The following CNTLN variants were observed in gnomAD, a reference collection of about 807,000 sequenced individuals.
CNTLN encodes centlein.
A neutral mutation model predicts 180.0 loss-of-function variants in CNTLN; 212 were observed. The ratio of observed to expected loss-of-function variants is 1.18; its 90% CI spans 1.05 to 1.32. The LOEUF is 1.32. Among genes scored for constraint, CNTLN ranks in the 40% most tolerant of loss-of-function variants. The pLI is 0.00. For synonymous variants in CNTLN, 722 were observed against 563.1 expected, an observed-to-expected ratio of 1.28 and a Z score of -3.99; for missense variants, 2,095 against 1,610.9, an observed-to-expected ratio of 1.30 and a Z score of -5.14.
At chr9:17,295,020 C>G (rs935974770) in intron 6 of CNTLN, among the ~76,000 whole-genome samples, 1 of 151,864 alleles carries the variant, frequency 6.6e-6, no homozygotes, top group East Asian at 2.0e-4. Flanking sequence ...GAGAGCAGCG[C>G]CGGTGGGCCA....
At chr9:17,259,406 T>A (rs1388831336) in intron 5 of CNTLN, among the ~76,000 whole-genome samples, 4 of 135,054 alleles carry the variant, frequency 3.0e-5, no homozygotes, top group Non-Finnish European at 6.3e-5. Flanking sequence ...TTTGCATCAA[T>A]GTTCATCCGG....
At position 17,419,237 on chromosome 9, in the gene CNTLN, C is replaced by T. The variant is rs1828508410; in HGVS notation, c.3114+3048C>T. On this transcript the variant is annotated intron_variant, in intron 18 of 25. Transcript: ENST00000380647. ...GTAAATGGCAAAGATTTGTGATTCC[C>T]AAAAGCAGGTACTGTAAATATCATT... Among the ~76,000 whole-genome samples the T allele has an allele frequency of 5.3e-5, 8 of 151,990 alleles. 1 individual carries two copies. In the South Asian group the frequency reaches 1.7e-3, roughly 31 times the overall value.
At position 17,213,113 on chromosome 9, in the gene CNTLN, G is replaced by T. The variant is rs1454021459; in HGVS notation, c.450-13090G>T. ...CTTCTGCTAGCTTTTGAATGTGTTTGCTCTTGCTTCTCTAGTTCTTTTAAT... is the reference window on the plus strand; with the variant it reads ...CTTCTGCTAGCTTTTGAATGTGTTTTCTCTTGCTTCTCTAGTTCTTTTAAT... On this transcript the variant is annotated intron_variant, in intron 2 of 25. Transcript: ENST00000380647. 3.3e-5 allele frequency among the ~76,000 whole-genome samples: 5 copies of T among 152,166 alleles called. No individual in the cohort carries two copies. In the East Asian group the frequency reaches 9.7e-4, roughly 29 times the overall value.
At chr9:17,285,047 A>C (rs570723621) in intron 6 of CNTLN, among the ~76,000 whole-genome samples, 20 of 150,608 alleles carry the variant, frequency 1.3e-4, no homozygotes, top group African/African-American at 4.4e-4. Flanking sequence ...GTACATGTGC[A>C]CATTGTGCAG....
intron 7 of CNTLN, chr9:17,301,037 G>A (rs1490250793): frequency 1.0e-6 from 1 of 985,148 alleles, no homozygotes; most frequent in Non-Finnish European, 1.2e-6. Flanking sequence ...GGAAATATGG[G>A]AGCATAACTG....
chr9:17,294,735 G>C (rs1268934539), intron 6 of CNTLN, among the ~76,000 whole-genome samples: 1 of 130,914 alleles, frequency 7.6e-6, no homozygotes, highest in Non-Finnish European at 1.6e-5. Context: ...GGCAGAGCTC[G>C]TCGGGGAGGC....
chr9:17,484,099 T>G (rs1832779325), intron 23 of CNTLN, among the ~76,000 whole-genome samples, 196 bp from the exon 24 acceptor site: 1 of 152,148 alleles, frequency 6.6e-6, no homozygotes, highest in East Asian at 1.9e-4. Context: ...GCAAGTTGGT[T>G]AAGTATTCAT....
At position 17,465,921 on chromosome 9, in the gene CNTLN, A is replaced by G. The variant is rs1022529936; in HGVS notation, c.3532-60A>G. 17 of 1,356,988 alleles carry G rather than the reference A, an allele frequency of 1.3e-5. No individual in the cohort carries two copies. In the African/African-American group the frequency reaches 2.1e-4, roughly 17 times the overall value. 84.1% of individuals were successfully genotyped at this position (1,356,988 alleles called of 1,614,324 possible). A position where few individuals can be genotyped will look rare whatever the true frequency, so the allele number is the denominator to read the frequency against. On this transcript the variant is annotated intron_variant, in intron 21 of 25. Coordinates refer to ENST00000380647, the MANE Select transcript of CNTLN (RefSeq NM_017738.4). ...ACTCATTTAGTTTCTGTTGGAACAA[A>G]CACAGTATATTACTAGAATGCCTTC...
chr9:17,329,680 T>C (rs1820518515), intron 8 of CNTLN, among the ~76,000 whole-genome samples: 2 of 151,856 alleles, frequency 1.3e-5, no homozygotes, highest in Middle Eastern at 3.4e-3. Flanking sequence ...GCAGGCACAA[T>C]TGGAAAAGGA....
chr9:17,334,195 G>A (rs1054051255), intron 10 of CNTLN, among the ~76,000 whole-genome samples: 3 of 152,068 alleles, frequency 2.0e-5, no homozygotes, highest in Non-Finnish European at 4.4e-5. Context: ...GAGTAGCTGG[G>A]ATTACAGGCG....
intron 5 of CNTLN, among the ~76,000 whole-genome samples, chr9:17,243,748 C>T (rs1582029): frequency 0.25 from 38,067 of 152,042 alleles, 6,759 homozygotes; most frequent in African/African-American, 0.5. Flanking sequence ...TCCTTGAGAA[C>T]GAGCTACATG....
At chr9:17,223,079 G>A (rs528873087) in intron 2 of CNTLN, among the ~76,000 whole-genome samples, 122 of 152,000 alleles carry the variant, frequency 8.0e-4, no homozygotes, top group Non-Finnish European at 1.5e-3. Flanking sequence ...TTTCCTACAC[G>A]GTAATAGGCA....
intron 19 of CNTLN, among the ~76,000 whole-genome samples, chr9:17,461,244 A>G (rs1831429926): frequency 6.6e-6 from 1 of 151,630 alleles, no homozygotes; most frequent in South Asian, 2.1e-4. Flanking sequence ...CCGTATTTCT[A>G]ACTGAATGAA....
chr9:17,475,284 G>C (rs1344063440), intron 23 of CNTLN, among the ~76,000 whole-genome samples: 1 of 152,064 alleles, frequency 6.6e-6, no homozygotes, highest in African/African-American at 2.4e-5. Context: ...ATTAGAAATG[G>C]GGGTAATGGG....
At chr9:17,250,614 T>G (rs1204347240) in intron 5 of CNTLN, among the ~76,000 whole-genome samples, 4 of 152,142 alleles carry the variant, frequency 2.6e-5, no homozygotes, top group Non-Finnish European at 4.4e-5. Context: ...TACAAAACTG[T>G]TCTCCTCTAC....
chr9:17,435,081 A>G (rs1040261614), intron 18 of CNTLN, among the ~76,000 whole-genome samples: 5 of 152,242 alleles, frequency 3.3e-5, no homozygotes, highest in African/African-American at 1.2e-4. Context: ...GTATTGCAAG[A>G]TAATATTTTT....
chr9:17,352,410 ATATATATTTT>A lies in CNTLN; in HGVS notation c.1886+9968_1886+9977del, dbSNP rs1206788101. 0.012 allele frequency among the ~76,000 whole-genome samples: 248 copies of A among 19,912 alleles called. 3 individuals carry two copies. The East Asian group carries it at 0.17, about 14-fold the overall frequency. 13.1% of individuals were successfully genotyped at this position (19,912 alleles called of 152,430 possible). A position where few individuals can be genotyped will look rare whatever the true frequency, so the allele number is the denominator to read the frequency against. On this transcript the variant is annotated intron_variant, in intron 12 of 25. Coordinates refer to ENST00000380647, the MANE Select transcript of CNTLN (RefSeq NM_017738.4). Reference sequence around the variant, plus strand: ...CTAGAATATATATATATATATATATATATATATTTTTTTTTTTTTTGGTATGTAGAAATGA... The same window carrying A: ...CTAGAATATATATATATATATATATATTTTTTTTTTGGTATGTAGAAATGA...
At chr9:17,155,088 G>A (rs1032112171) in intron 2 of CNTLN, among the ~76,000 whole-genome samples, 1 of 152,202 alleles carries the variant, frequency 6.6e-6, no homozygotes, top group Non-Finnish European at 1.5e-5. Context: ...AAGGTCTGCG[G>A]CTTCACTCCT....
intron 14 of CNTLN, among the ~76,000 whole-genome samples, chr9:17,388,639 G>C (rs1825867852): frequency 6.6e-6 from 1 of 151,840 alleles, no homozygotes; most frequent in South Asian, 2.1e-4. Context: ...ACTGAGCATA[G>C]TTATAGTTTT....
Sources: allele counts gnomAD v4.1 joint callset (sites outside exome capture counted in the v4.1 genomes callset), GRCh38; gene constraint gnomAD v4.1.1; transcripts MANE v1.5; gene names NCBI Gene and HGNC (gene_info 2026-07-23, HGNC 2026-07-21).